CUL2: variants seen among roughly 807,000 people sequenced by gnomAD.
The protein encoded by CUL2 is cullin 2.
A neutral mutation model predicts 110.2 loss-of-function variants in CUL2; 22 were observed. The ratio of observed to expected loss-of-function variants is 0.20; its 90% CI spans 0.14 to 0.28. CUL2 has a LOEUF of 0.28. CUL2 is among the 10% of genes least tolerant of loss of function. The probability of loss-of-function intolerance (pLI) is 1.00; values close to 1 mark genes in which losing one functional copy is unlikely to be tolerated. For synonymous variants in CUL2, 279 were observed against 293.2 expected (o/e 0.95, Z 0.49); for missense variants, 631 against 905.5 (o/e 0.70, Z 3.89).
intron 4 of CUL2, among the ~76,000 whole-genome samples, chr10:35,058,280 C>T (rs992185928): frequency 2.0e-5 from 3 of 152,066 alleles, no homozygotes; most frequent in African/African-American, 7.2e-5. Flanking sequence ...GCTAAATGGC[C>T]ATCCTCTTCC....
At chr10:35,054,685 A>G (rs1443436591) in intron 4 of CUL2, 146 bp from the exon 5 acceptor site, 1 of 485,242 alleles carries the variant, frequency 2.1e-6, no homozygotes. Flanking sequence ...AATTATGTAG[A>G]GATTAGAAAT....
At chr10:35,068,946 C>T (rs1210398738) in intron 2 of CUL2, among the ~76,000 whole-genome samples, 1 of 152,174 alleles carries the variant, frequency 6.6e-6, no homozygotes, top group Non-Finnish European at 1.5e-5. Context: ...TGGCTCACTG[C>T]AACCTCTGCC....
intron 2 of CUL2, among the ~76,000 whole-genome samples, chr10:35,063,481 T>G (rs1259120873): frequency 1.3e-5 from 2 of 152,206 alleles, no homozygotes; most frequent in African/African-American, 4.8e-5. Flanking sequence ...CAGACATGTC[T>G]AAGCAATTCT....
At chr10:35,058,669 A>G (rs1453543687) in intron 4 of CUL2, among the ~76,000 whole-genome samples, 1 of 152,172 alleles carries the variant, frequency 6.6e-6, no homozygotes, top group Non-Finnish European at 1.5e-5. Context: ...TCAAAGGTTT[A>G]TCTTATATAA....
intron 2 of CUL2, among the ~76,000 whole-genome samples, chr10:35,068,538 T>G (rs1014040738): frequency 6.6e-6 from 1 of 152,188 alleles, no homozygotes; most frequent in Admixed American, 6.5e-5. Context: ...GTGGGGGTTA[T>G]AGTGAATGTG....
chr10:35,052,249 C>T (rs2086129563), intron 5 of CUL2, among the ~76,000 whole-genome samples: 1 of 152,080 alleles, frequency 6.6e-6, no homozygotes, highest in Non-Finnish European at 1.5e-5. Flanking sequence ...TCAAGTTTTG[C>T]CTTTCTTTCT....
intron 16 of CUL2, 69 bp downstream of exon 16, chr10:35,028,741 A>C: frequency 1.0e-6 from 1 of 1,004,886 alleles, no homozygotes; most frequent in South Asian, 1.5e-5. Flanking sequence ...AAAAATATTA[A>C]AGGTGATATA....
chr10:35,104,264 T>G (rs983936850), intron 1 of CUL2, among the ~76,000 whole-genome samples: 1 of 152,126 alleles, frequency 6.6e-6, no homozygotes, highest in Admixed American at 6.6e-5. Context: ...CTGGGTGACA[T>G]GGAGAAACCC....
chr10:35,090,932 C>G (rs1189057184), upstream of CUL2, among the ~76,000 whole-genome samples: 2 of 152,198 alleles, frequency 1.3e-5, no homozygotes, highest in Non-Finnish European at 2.9e-5. Flanking sequence ...ATGGGCTTTG[C>G]AAATGATCAA....
intron 1 of CUL2, among the ~76,000 whole-genome samples, chr10:35,083,827 C>T (rs1300335006): frequency 6.6e-6 from 1 of 152,208 alleles, no homozygotes; most frequent in Non-Finnish European, 1.5e-5. Context: ...ATAGCCTGTA[C>T]TTTCTCTCCT....
upstream of CUL2, among the ~76,000 whole-genome samples, chr10:35,092,654 T>A (rs988244306): frequency 6.6e-6 from 1 of 152,344 alleles, no homozygotes; most frequent in Admixed American, 6.5e-5. Context: ...AAGAGGAATC[T>A]GACCTCATTG....
chr10:35,110,896 G>A (rs1167623170), intron 1 of CUL2, among the ~76,000 whole-genome samples: 1 of 152,186 alleles, frequency 6.6e-6, no homozygotes, highest in East Asian at 1.9e-4. Flanking sequence ...ACTAGAGGTT[G>A]AGACTTAGAG....
chr10:35,126,363 G>C (rs1176915865), intron 1 of CUL2, among the ~76,000 whole-genome samples: 1 of 152,238 alleles, frequency 6.6e-6, no homozygotes, highest in Non-Finnish European at 1.5e-5. Context: ...TCAACCAGCT[G>C]TGACTGGCTG....
intron 2 of CUL2, among the ~76,000 whole-genome samples, chr10:35,068,889 C>T (rs949735286): frequency 1.3e-5 from 2 of 152,010 alleles, no homozygotes; most frequent in Non-Finnish European, 2.9e-5. Context: ...ATTTTTGAAA[C>T]GGAGCCTTGC....
intron 2 of CUL2, among the ~76,000 whole-genome samples, chr10:35,063,268 G>A (rs1266865233): frequency 6.6e-6 from 1 of 152,110 alleles, no homozygotes; most frequent in African/African-American, 2.4e-5. Context: ...CATTCCACAA[G>A]TATTTATTGA....
chr10:35,087,246 T>C (rs1408684655), intron 1 of CUL2, among the ~76,000 whole-genome samples: 1 of 152,178 alleles, frequency 6.6e-6, no homozygotes, highest in Non-Finnish European at 1.5e-5. Context: ...TTTGTAGACA[T>C]GGGGTCTCAC....
chr10:35,108,732 C>T (rs1010299613), intron 1 of CUL2, among the ~76,000 whole-genome samples: 1 of 152,148 alleles, frequency 6.6e-6, no homozygotes, highest in Admixed American at 6.5e-5. Flanking sequence ...GCCTGGGCTA[C>T]AGCCATCTGA....
chr10:35,054,182 T>C (rs113828261), intron 5 of CUL2, among the ~76,000 whole-genome samples: 4,357 of 152,248 alleles, frequency 0.029, 203 homozygotes, highest in African/African-American at 0.096. Context: ...TGTTTCTGAG[T>C]TTTTTCACAA....
chr10:35,109,485 T>C (rs892100462), intron 1 of CUL2, among the ~76,000 whole-genome samples: 2 of 152,144 alleles, frequency 1.3e-5, no homozygotes, highest in Non-Finnish European at 2.9e-5. Flanking sequence ...CAAAGATAAT[T>C]TTGTCTAGTA....
Sources: allele counts gnomAD v4.1 joint callset (sites outside exome capture counted in the v4.1 genomes callset), GRCh38; gene constraint gnomAD v4.1.1; transcripts MANE v1.5; gene names NCBI Gene and HGNC (gene_info 2026-07-23, HGNC 2026-07-21).